Variants in SLC19A1 observed in about 807,000 individuals in gnomAD.
SLC19A1 encodes the protein solute carrier family 19 member 1, also known as reduced folate transporter.
Under a neutral mutation model 35.3 loss-of-function variants are expected in SLC19A1, and 37 were observed. That is an observed-to-expected ratio of 1.05 (90% CI 0.81 to 1.38). The LOEUF (loss-of-function observed/expected upper bound fraction) is 1.38. Ranked by LOEUF, SLC19A1 falls within the 40% of genes most tolerant of loss-of-function variation. The pLI is 0.00. For synonymous variants in SLC19A1, 460 were observed against 398.5 expected, an observed-to-expected ratio of 1.15 and a Z score of -1.84; for missense variants, 831 against 826.9, an observed-to-expected ratio of 1.00 and a Z score of -0.06.
intron 3 of SLC19A1, chr21:45,505,756 C>A: frequency 8.7e-7 from 1 of 1,149,676 alleles, no homozygotes; most frequent in Non-Finnish European, 1.3e-6. Flanking sequence ...TGCCCAGCAC[C>A]CTGAAACGGG....
intron 1 of SLC19A1, among the ~76,000 whole-genome samples, chr21:45,561,718 G>T (rs2146521256): frequency 6.6e-6 from 1 of 151,970 alleles, no homozygotes; most frequent in African/African-American, 2.4e-5. Flanking sequence ...CCAAGATCAT[G>T]ACACTGCACT....
chr21:45,514,838 G>A lies in SLC19A1; in HGVS notation c.*820C>T, dbSNP rs187948528. ...GGCCGCTGGGACGTACTTCCCCAGC[G>A]CCCACCACAAAGGCAGCCCCCCCAA... is the stretch of plus-strand genomic sequence containing the variant. On this transcript the variant is annotated 3_prime_UTR_variant, in exon 6 of 6. Transcript: ENST00000311124. 1.3e-4 allele frequency: 76 copies of A among 599,790 alleles called. No individual in the cohort carries two copies. In the East Asian group the frequency reaches 1.6e-3, roughly 12 times the overall value. The allele number at this position is 599,790 out of a possible 1,614,324, so 37.2% of individuals were successfully genotyped here. A position where few individuals can be genotyped will look rare whatever the true frequency, so the allele number is the denominator to read the frequency against.
rs1266980133 is a variant in SLC19A1 at position 45,542,354 on chromosome 21, T to C, written c.-50+14A>G. 1 of 150,812 alleles carries C rather than the reference T, an allele frequency of 6.6e-6. No individual in the cohort carries two copies. Among genetic ancestry groups the C allele is most frequent in the African/African-American group, 2.4e-5 (1 of 41,004 alleles). 9.3% of individuals were successfully genotyped at this position (150,812 alleles called of 1,614,324 possible). A position where few individuals can be genotyped will look rare whatever the true frequency, so the allele number is the denominator to read the frequency against. On this transcript the variant is annotated intron_variant, in intron 1 of 5. Transcript: ENST00000311124. Reference sequence around the variant, plus strand: ...CCCGACACGCGGCCCCGTGGCCCCGTTCCCCACCGGTACCTGCGACTCGGC... The same window carrying C: ...CCCGACACGCGGCCCCGTGGCCCCGCTCCCCACCGGTACCTGCGACTCGGC...
At chr21:45,552,967 C>T (rs953032094) in intron 1 of SLC19A1, among the ~76,000 whole-genome samples, 1 of 151,998 alleles carries the variant, frequency 6.6e-6, no homozygotes, top group Non-Finnish European at 1.5e-5. Flanking sequence ...TCCGTGGCGC[C>T]CCCCATGTGC....
chr21:45,510,788 G>T (rs1420360570), downstream of SLC19A1, among the ~76,000 whole-genome samples: 1 of 152,150 alleles, frequency 6.6e-6, no homozygotes, highest in Non-Finnish European at 1.5e-5. Context: ...CTGGGAGCAG[G>T]CGGCTGTGGC....
downstream of SLC19A1, chr21:45,507,577 C>T: frequency 6.2e-7 from 1 of 1,613,064 alleles, no homozygotes; most frequent in Non-Finnish European, 8.5e-7. Flanking sequence ...GCCCGGACAC[C>T]ACTCCCACGA....
chr21:45,552,586 C>A (rs2078476967), intron 1 of SLC19A1, among the ~76,000 whole-genome samples: 1 of 152,216 alleles, frequency 6.6e-6, no homozygotes, highest in African/African-American at 2.4e-5. Flanking sequence ...GTGCTATAAT[C>A]CGCAGTCACC....
At position 45,515,046 on chromosome 21, in the gene SLC19A1, C is replaced by G; in HGVS notation, c.*612G>C. The G allele has an allele frequency of 6.5e-7, 1 of 1,543,502 alleles. No individual in the cohort carries two copies. Among genetic ancestry groups the G allele is most frequent in the East Asian group, 2.5e-5 (1 of 40,768 alleles). ...TGCCCTTAGGGTGGGAGAGAGGAAC[C>G]AGCTCCGAGGACCAGAGCCGCTGCT... On this transcript the variant is annotated 3_prime_UTR_variant, in exon 6 of 6. Transcript: ENST00000311124.
upstream of SLC19A1, among the ~76,000 whole-genome samples, chr21:45,548,839 T>C (rs1451143217): frequency 1.3e-5 from 2 of 152,218 alleles, no homozygotes; most frequent in Non-Finnish European, 2.9e-5. Context: ...TAATCCTTTG[T>C]CATTAAGGCC....
chr21:45,526,579 TTTG>T (rs1440574509), intron 4 of SLC19A1, among the ~76,000 whole-genome samples: 2 of 152,224 alleles, frequency 1.3e-5, no homozygotes, highest in African/African-American at 2.4e-5. Flanking sequence ...TTCTGGATTT[TTTG>T]TTATTTTTTT....
At position 45,534,614 on chromosome 21, in the gene SLC19A1, C is replaced by T; in HGVS notation, c.190-2466G>A. On this transcript the variant is annotated intron_variant, in intron 2 of 5. Transcript: ENST00000311124. This position sits in a 1 kb window ranked among gnomAD's most constrained non-coding sequence, Gnocchi z 4.2. ...TGCAGGCTGGGGCCTCATCAGGCACCTCCTGGTCTTAGTTGAGGGTCTGAG... is the reference window on the plus strand; with the variant it reads ...TGCAGGCTGGGGCCTCATCAGGCACTTCCTGGTCTTAGTTGAGGGTCTGAG... The T allele has an allele frequency of 1.3e-6, 2 of 1,535,592 alleles. No individual in the cohort carries two copies. The highest frequency in any genetic ancestry group is 1.7e-6 in the Non-Finnish European group (2 of 1,146,770).
chr21:45,505,982 G>A (rs1474312289), intron 3 of SLC19A1: 1 of 1,612,844 alleles, frequency 6.2e-7, no homozygotes, highest in Non-Finnish European at 8.5e-7. Flanking sequence ...CGCTCTGTGT[G>A]ACGGGTTCTG....
intron 4 of SLC19A1, among the ~76,000 whole-genome samples, chr21:45,526,329 C>A (rs1481674797): frequency 6.6e-6 from 1 of 152,250 alleles, no homozygotes; most frequent in Non-Finnish European, 1.5e-5. Context: ...TGCATTTATG[C>A]TCATATGCAC....
chr21:45,512,146 GA>G, downstream of SLC19A1: 1 of 1,585,308 alleles, frequency 6.3e-7, no homozygotes, highest in Non-Finnish European at 8.6e-7. Flanking sequence ...GCCCTAAGCA[GA>G]GCAGGTCTGG....
At chr21:45,519,570 CAAAAAAAAAA>C (rs57639933) in intron 5 of SLC19A1, among the ~76,000 whole-genome samples, 10 of 57,234 alleles carry the variant, frequency 1.7e-4, no homozygotes, top group Non-Finnish European at 3.3e-4. Flanking sequence ...AACTTCTGAG[CAAAAAAAAAA>C]AAAAAAAAAA....
chr21:45,559,407 G>C (rs964485653), intron 1 of SLC19A1, among the ~76,000 whole-genome samples: 1 of 152,218 alleles, frequency 6.6e-6, no homozygotes, highest in East Asian at 1.9e-4. Context: ...ATGGCCAGGG[G>C]TGTGGGCGAG....
upstream of SLC19A1, among the ~76,000 whole-genome samples, chr21:45,545,142 T>G (rs2078400144): frequency 6.6e-6 from 1 of 152,170 alleles, no homozygotes; most frequent in South Asian, 2.1e-4. Flanking sequence ...CACATGCAGA[T>G]GGACACAGAC....
chr21:45,525,307 C>T (rs1314701116), intron 5 of SLC19A1, among the ~76,000 whole-genome samples: 1 of 152,244 alleles, frequency 6.6e-6, no homozygotes, highest in Admixed American at 6.5e-5. Flanking sequence ...CCAGCTCACT[C>T]GGAGACCCGG....
chr21:45,562,310 G>A (rs907249888), intron 1 of SLC19A1, among the ~76,000 whole-genome samples: 1 of 152,060 alleles, frequency 6.6e-6, no homozygotes, highest in Non-Finnish European at 1.5e-5. Flanking sequence ...GACACCACAC[G>A]CATTCACCAC....
Sources: gnomAD v4.1 joint callset for allele counts (sites outside exome capture counted in the v4.1 genomes callset) on GRCh38, gnomAD v4.1.1 for gene constraint, Gnocchi (gnomAD v3.1) non-coding constraint, MANE v1.5 for transcripts, NCBI Gene and HGNC (gene_info 2026-07-23, HGNC 2026-07-21) for gene names.